RAB3C: variants seen among roughly 807,000 people sequenced by gnomAD.
RAB3C encodes RAB3C, member RAS oncogene family, also known as ras-related protein Rab-3C.
In RAB3C, 17 loss-of-function variants were observed where a neutral mutation model predicts 26.4. The observed-to-expected ratio is 0.64, with a 90% CI of 0.44 to 0.97. The LOEUF is 0.97. Ranked by LOEUF, RAB3C falls within the 50% of genes least tolerant of loss-of-function variation. The pLI is 0.00. For missense variants in RAB3C, 242 were observed against 281.9 expected, an observed-to-expected ratio of 0.86 and a Z score of 1.01; for synonymous variants, 91 against 95.9, an observed-to-expected ratio of 0.95 and a Z score of 0.30.
At chr5:58,796,475 C>A (rs1418568698) in intron 3 of RAB3C, among the ~76,000 whole-genome samples, 1 of 152,074 alleles carries the variant, frequency 6.6e-6, no homozygotes. Flanking sequence ...AATACAGAAC[C>A]TGACAGATAG....
Position 58,633,977 on chromosome 5 carries a change from C to CAA in RAB3C, c.252+16120_252+16121dup, listed in dbSNP as rs532775769. Among the ~76,000 whole-genome samples the CAA allele has an allele frequency of 3.8e-3, 522 of 138,818 alleles. 1 individual carries two copies. The highest frequency in any genetic ancestry group is 7.6e-3 in the South Asian group (33 of 4,330). The allele number at this position is 138,818 out of a possible 152,430, so 91.1% of individuals were successfully genotyped here. On this transcript the variant is annotated intron_variant, in intron 2 of 4. Coordinates refer to ENST00000282878, the MANE Select transcript of RAB3C (RefSeq NM_138453.4). ...GAAACCCCATCTCTACTAAAAAATACAAAAAAAAAAAAAATTAGCCGGGCA... is the reference window on the plus strand; with the variant it reads ...GAAACCCCATCTCTACTAAAAAATACAAAAAAAAAAAAAAAATTAGCCGGGCA...
intron 2 of RAB3C, among the ~76,000 whole-genome samples, chr5:58,660,315 A>G (rs1046863695): frequency 6.7e-6 from 1 of 150,088 alleles, no homozygotes; most frequent in African/African-American, 2.5e-5. Flanking sequence ...AAAGTAAAAG[A>G]TGAAATAGTC....
chr5:58,726,276 T>C (rs566790006), intron 3 of RAB3C, among the ~76,000 whole-genome samples, 156 bp downstream of exon 3: 72 of 151,984 alleles, frequency 4.7e-4, no homozygotes, highest in Non-Finnish European at 8.8e-5. Context: ...ATGCTGTTTA[T>C]GCACAGAAGC....
At chr5:58,838,378 CAAAAA>C (rs35356886) in intron 4 of RAB3C, among the ~76,000 whole-genome samples, 1 of 141,622 alleles carries the variant, frequency 7.1e-6, no homozygotes, top group Non-Finnish European at 1.5e-5. Context: ...GACTCCCTCT[CAAAAA>C]AAAAAAAAAA....
chr5:58,800,220 G>A (rs569186670), intron 3 of RAB3C, among the ~76,000 whole-genome samples: 38 of 152,290 alleles, frequency 2.5e-4, no homozygotes, highest in African/African-American at 7.2e-4. Context: ...TAGTCATAAA[G>A]CAAACTCATT....
At chr5:58,782,690 A>C (rs990026405) in intron 3 of RAB3C, among the ~76,000 whole-genome samples, 2 of 152,132 alleles carry the variant, frequency 1.3e-5, no homozygotes, top group Non-Finnish European at 1.5e-5. Flanking sequence ...TCTAAAGTAC[A>C]CTGTATTTGA....
intron 4 of RAB3C, among the ~76,000 whole-genome samples, chr5:58,830,959 T>G (rs2112067491): frequency 6.6e-6 from 1 of 152,214 alleles, no homozygotes; most frequent in Admixed American, 6.5e-5. Context: ...CACTGCAGCC[T>G]TGACCTCTTG....
chr5:58,593,743 C>G (rs1015203975), intron 1 of RAB3C, among the ~76,000 whole-genome samples: 1 of 152,140 alleles, frequency 6.6e-6, no homozygotes, highest in Non-Finnish European at 1.5e-5. Context: ...AGTGTGCTGT[C>G]AGTTCTGTTG....
intron 2 of RAB3C, among the ~76,000 whole-genome samples, chr5:58,709,621 G>A (rs908738865): frequency 6.6e-6 from 1 of 152,200 alleles, no homozygotes; most frequent in Non-Finnish European, 1.5e-5. Context: ...GACTTCTGAG[G>A]TTTATCAAGC....
intron 3 of RAB3C, 120 bp from the exon 4 acceptor site, chr5:58,824,918 G>A: frequency 1.5e-6 from 1 of 650,976 alleles, no homozygotes; most frequent in Non-Finnish European, 2.5e-6. Context: ...CAGGCATTTG[G>A]ACATCGTGTT....
At chr5:58,846,460 G>A (rs1420997178) in intron 4 of RAB3C, among the ~76,000 whole-genome samples, 2 of 152,132 alleles carry the variant, frequency 1.3e-5, no homozygotes, top group Non-Finnish European at 2.9e-5. Flanking sequence ...GCTCACTGCA[G>A]CCTTGACCTC....
At chr5:58,653,499 A>C (rs907675161) in intron 2 of RAB3C, among the ~76,000 whole-genome samples, 6 of 152,194 alleles carry the variant, frequency 3.9e-5, no homozygotes, top group Non-Finnish European at 7.3e-5. Context: ...ACATGCACAC[A>C]TATGTTTATT....
chr5:58,597,638 A>T (rs1310945076), intron 1 of RAB3C, among the ~76,000 whole-genome samples: 1 of 136,176 alleles, frequency 7.3e-6, no homozygotes, highest in African/African-American at 2.6e-5. Flanking sequence ...ATATAAGCAT[A>T]TAACAATATA....
intron 3 of RAB3C, among the ~76,000 whole-genome samples, chr5:58,804,032 C>T (rs1014741585): frequency 6.6e-6 from 1 of 150,864 alleles, no homozygotes; most frequent in Non-Finnish European, 1.5e-5. Context: ...TGCACTCCAG[C>T]CCAGGTGACA....
chr5:58,593,917 A>G (rs541501248), intron 1 of RAB3C, among the ~76,000 whole-genome samples: 2 of 152,292 alleles, frequency 1.3e-5, no homozygotes, highest in East Asian at 1.9e-4. Context: ...ACTTAGGTCT[A>G]GCGACCTTCA....
chr5:58,668,485 C>T (rs532587384), intron 2 of RAB3C, among the ~76,000 whole-genome samples: 1 of 152,218 alleles, frequency 6.6e-6, no homozygotes, highest in East Asian at 1.9e-4. Context: ...TCCACAAAAT[C>T]ATTATTAAAG....
At chr5:58,671,294 GA>G (rs548270400) in intron 2 of RAB3C, among the ~76,000 whole-genome samples, 4 of 151,976 alleles carry the variant, frequency 2.6e-5, no homozygotes, top group Non-Finnish European at 4.4e-5. Context: ...TTTGAAATAT[GA>G]AAAAAACCTG....
At chr5:58,801,561 T>C (rs942816157) in intron 3 of RAB3C, among the ~76,000 whole-genome samples, 1 of 152,238 alleles carries the variant, frequency 6.6e-6, no homozygotes, top group Admixed American at 6.5e-5. Context: ...GACTACAGCA[T>C]GGCATCATCC....
chr5:58,838,253 G>A (rs914912176), intron 4 of RAB3C, among the ~76,000 whole-genome samples: 5 of 151,958 alleles, frequency 3.3e-5, no homozygotes, highest in African/African-American at 7.2e-5. Flanking sequence ...GGTGGCGGGC[G>A]CCTGTAGTCC....
Sources: gnomAD v4.1 joint callset for allele counts (sites outside exome capture counted in the v4.1 genomes callset) on GRCh38, gnomAD v4.1.1 for gene constraint, MANE v1.5 for transcripts, NCBI Gene and HGNC (gene_info 2026-07-23, HGNC 2026-07-21) for gene names.